Variants in NRG3 observed in about 807,000 individuals in gnomAD.
NRG3 encodes pro-neuregulin-3, membrane-bound isoform.
NRG3 carries 31 observed loss-of-function variants against 66.9 expected under a neutral mutation model. The observed-to-expected ratio is 0.46, with a 90% CI of 0.35 to 0.63. NRG3 has a LOEUF of 0.63. Among genes scored for constraint, NRG3 ranks in the 20% least tolerant of loss-of-function variants. The pLI, the probability that NRG3 is intolerant of heterozygous loss-of-function variation, is 0.00. For synonymous variants in NRG3, 393 were observed against 359.4 expected (o/e 1.09, Z -1.06); for missense variants, 910 against 878.9 (o/e 1.04, Z -0.45).
intron 3 of NRG3, among the ~76,000 whole-genome samples, chr10:82,779,173 C>T (rs2060022083): frequency 6.6e-6 from 1 of 152,060 alleles, no homozygotes; most frequent in Non-Finnish European, 1.5e-5. Flanking sequence ...ATGTGAACTC[C>T]AGGAAACACC....
intron 3 of NRG3, among the ~76,000 whole-genome samples, chr10:82,797,661 C>T (rs914371138): frequency 6.6e-6 from 1 of 152,118 alleles, no homozygotes; most frequent in African/African-American, 2.4e-5. Flanking sequence ...TCTTCACTGC[C>T]ACTCCCTCAA....
chr10:81,903,592 C>G (rs989764862), intron 1 of NRG3, among the ~76,000 whole-genome samples: 5 of 152,054 alleles, frequency 3.3e-5, no homozygotes, highest in Non-Finnish European at 2.9e-5. Context: ...AAAAGTATGC[C>G]GAGAACTCGT....
chr10:82,571,186 T>G (rs889784008), intron 2 of NRG3, among the ~76,000 whole-genome samples: 1 of 151,530 alleles, frequency 6.6e-6, no homozygotes, highest in Non-Finnish European at 1.5e-5. Flanking sequence ...GTTAAACATT[T>G]GACATGAAAA....
At chr10:82,425,605 G>A (rs2089375022) in intron 2 of NRG3, among the ~76,000 whole-genome samples, 2 of 151,884 alleles carry the variant, frequency 1.3e-5, no homozygotes, top group African/African-American at 4.8e-5. Flanking sequence ...TTTTTTATTT[G>A]TTTATTTGTT....
chr10:82,588,868 T>A (rs2046828619), intron 2 of NRG3, among the ~76,000 whole-genome samples: 1 of 152,198 alleles, frequency 6.6e-6, no homozygotes, highest in Non-Finnish European at 1.5e-5. Flanking sequence ...AATGGCCTAA[T>A]ACATCAAATT....
chr10:82,496,820 A>G (rs1843674434), intron 2 of NRG3, among the ~76,000 whole-genome samples: 1 of 152,164 alleles, frequency 6.6e-6, no homozygotes, highest in African/African-American at 2.4e-5. Context: ...ACATTCTTAG[A>G]ATATATTCCC....
At chr10:81,939,531 T>C (rs1848215222) in intron 1 of NRG3, among the ~76,000 whole-genome samples, 2 of 152,058 alleles carry the variant, frequency 1.3e-5, no homozygotes, top group South Asian at 2.1e-4. Context: ...ATCACTTTCT[T>C]CTAGGTTTCC....
chr10:81,954,060 A>G (rs1307824003), intron 1 of NRG3, among the ~76,000 whole-genome samples: 3 of 152,182 alleles, frequency 2.0e-5, no homozygotes, highest in Non-Finnish European at 4.4e-5. Flanking sequence ...TATCTTTAAA[A>G]ATAGTTAGGC....
chr10:81,952,110 A>C (rs1849418319), intron 1 of NRG3, among the ~76,000 whole-genome samples: 1 of 151,834 alleles, frequency 6.6e-6, no homozygotes. Flanking sequence ...GGAAGGGGGG[A>C]GGGATAGCAT....
At chr10:82,255,325 G>A (rs1433337091) in intron 1 of NRG3, among the ~76,000 whole-genome samples, 1 of 152,112 alleles carries the variant, frequency 6.6e-6, no homozygotes, top group South Asian at 2.1e-4. Context: ...ACATGACAAT[G>A]GAATAAAATG....
chr10:82,690,756 T>G (rs188182575), intron 2 of NRG3, among the ~76,000 whole-genome samples: 10 of 152,328 alleles, frequency 6.6e-5, no homozygotes. Flanking sequence ...CCTTAAGTAT[T>G]GTTAGCTTCC....
At chr10:82,855,498 A>G (rs1210918334) in intron 3 of NRG3, among the ~76,000 whole-genome samples, 1 of 152,086 alleles carries the variant, frequency 6.6e-6, no homozygotes, top group African/African-American at 2.4e-5. Flanking sequence ...CCCAGGCTCA[A>G]GCCATCCTCC....
chr10:82,110,929 GA>G (rs1207588475), intron 1 of NRG3, among the ~76,000 whole-genome samples: 3 of 150,610 alleles, frequency 2.0e-5, no homozygotes, highest in East Asian at 3.9e-4. Context: ...ATAGAGAAAA[GA>G]AAAAAAAAGT....
rs145901720 is a variant in NRG3, at chr10:82,905,698, C to T, written c.1054+40261C>T. Reference sequence around the variant, plus strand: ...TTCCTTCATTCCTGCTAACCCCCGACCTCCCATTTCTTTCTTCCTTTCTCT... The same window carrying T: ...TTCCTTCATTCCTGCTAACCCCCGATCTCCCATTTCTTTCTTCCTTTCTCT... On this transcript the variant is annotated intron_variant, in intron 4 of 8. Coordinates refer to ENST00000372141, the MANE Select transcript of NRG3 (RefSeq NM_001010848.4). Among the ~76,000 whole-genome samples the T allele has an allele frequency of 1.7e-3, 258 of 152,202 alleles. 1 individual carries two copies. Among genetic ancestry groups the T allele is most frequent in the Non-Finnish European group, 2.5e-3 (167 of 68,020 alleles).
chr10:82,565,023 A>G (rs117146828), intron 2 of NRG3, among the ~76,000 whole-genome samples: 1,675 of 152,240 alleles, frequency 0.011, 17 homozygotes, highest in Middle Eastern at 0.065. Context: ...GGCAAAAAGA[A>G]CACTGTTGGG....
intron 1 of NRG3, among the ~76,000 whole-genome samples, chr10:82,098,206 G>T (rs1401332592): frequency 6.6e-6 from 1 of 151,212 alleles, no homozygotes; most frequent in East Asian, 1.9e-4. Flanking sequence ...TTAGCATACT[G>T]GCTTTTGGGT....
At chr10:81,885,733 T>A (rs1842560892) in intron 1 of NRG3, among the ~76,000 whole-genome samples, 1 of 152,098 alleles carries the variant, frequency 6.6e-6, no homozygotes, top group African/African-American at 2.4e-5. Context: ...TCAGAAAGAT[T>A]GTATTGTCAA....
chr10:82,910,060 A>T (rs1380883135), intron 4 of NRG3, among the ~76,000 whole-genome samples: 1 of 152,224 alleles, frequency 6.6e-6, no homozygotes, highest in Non-Finnish European at 1.5e-5. Context: ...TGTCATGGTA[A>T]ACATATGACA....
At chr10:82,714,730 T>G (rs2056874557) in intron 2 of NRG3, among the ~76,000 whole-genome samples, 1 of 152,204 alleles carries the variant, frequency 6.6e-6, no homozygotes, top group African/African-American at 2.4e-5. Flanking sequence ...GAGGAAATAT[T>G]TTTTTAATTA....
Sources: allele counts gnomAD v4.1 joint callset (sites outside exome capture counted in the v4.1 genomes callset), GRCh38; gene constraint gnomAD v4.1.1; transcripts MANE v1.5; gene names NCBI Gene and HGNC (gene_info 2026-07-23, HGNC 2026-07-21).